Variants in SHISA9 observed in about 807,000 individuals in gnomAD.
SHISA9 encodes protein shisa-9.
A neutral mutation model predicts 38.0 loss-of-function variants in SHISA9; 13 were observed. That is an observed-to-expected ratio of 0.34 (90% confidence interval 0.22 to 0.54). The LOEUF is 0.54. Ranked by LOEUF, SHISA9 falls within the 20% of genes least tolerant of loss-of-function variation. The pLI is 0.91. For synonymous variants in SHISA9, 275 were observed against 242.0 expected (o/e 1.14, Z -1.27); for missense variants, 538 against 575.8 (o/e 0.93, Z 0.67).
chr16:13,047,489 G>A (rs1176951792), intron 2 of SHISA9, among the ~76,000 whole-genome samples: 1 of 152,190 alleles, frequency 6.6e-6, no homozygotes, highest in Non-Finnish European at 1.5e-5. Context: ...TTTGCAATCT[G>A]TCTGCTTGCC....
At chr16:13,196,048 A>G (rs893571025) in intron 2 of SHISA9, among the ~76,000 whole-genome samples, 18 of 128,304 alleles carry the variant, frequency 1.4e-4, no homozygotes, top group African/African-American at 5.1e-4. Context: ...AGATTGCACC[A>G]CTGCACTCCA....
intron 2 of SHISA9, among the ~76,000 whole-genome samples, chr16:13,021,813 A>T (rs1415024908): frequency 6.6e-6 from 1 of 152,208 alleles, no homozygotes. Flanking sequence ...ATTAGACAGG[A>T]ATAACTGACC....
chr16:13,314,557 A>T, the SHISA9 span, among the ~76,000 whole-genome samples: 3 of 151,902 alleles, frequency 2.0e-5, no homozygotes, highest in African/African-American at 7.3e-5. Context: ...TTTTATTTTT[A>T]ACAGCTTTAG....
chr16:13,502,799 C>A, the SHISA9 span, among the ~76,000 whole-genome samples: 1 of 152,110 alleles, frequency 6.6e-6, no homozygotes, highest in African/African-American at 2.4e-5. Flanking sequence ...ATTGCTTGAA[C>A]CCAGAAGGCA....
intron 2 of SHISA9, among the ~76,000 whole-genome samples, chr16:13,093,098 G>A (rs73520644): frequency 0.021 from 3,273 of 152,274 alleles, 129 homozygotes; most frequent in African/African-American, 0.075. Flanking sequence ...TTTCCCGGGG[G>A]CATAGAGTCC....
chr16:13,287,741 G>T, the SHISA9 span, among the ~76,000 whole-genome samples: 1 of 152,174 alleles, frequency 6.6e-6, no homozygotes, highest in African/African-American at 2.4e-5. Context: ...AACTGGAATT[G>T]CAGGGACCAC....
chr16:13,010,921 C>A (rs1050045719), intron 2 of SHISA9, among the ~76,000 whole-genome samples: 1 of 152,232 alleles, frequency 6.6e-6, no homozygotes, highest in Non-Finnish European at 1.5e-5. Flanking sequence ...CACAGCATTG[C>A]AGCCTGGACA....
chr16:13,127,808 A>T (rs748524618), intron 2 of SHISA9, among the ~76,000 whole-genome samples: 1 of 152,160 alleles, frequency 6.6e-6, no homozygotes, highest in Non-Finnish European at 1.5e-5. Context: ...AATCACAGTG[A>T]AAGAGCCAGA....
chr16:13,075,816 C>G (rs1355212400), intron 2 of SHISA9, among the ~76,000 whole-genome samples: 1 of 152,096 alleles, frequency 6.6e-6, no homozygotes, highest in Non-Finnish European at 1.5e-5. Flanking sequence ...GTGTCTAACT[C>G]AGTGTTTCTT....
the SHISA9 span, among the ~76,000 whole-genome samples, chr16:13,492,488 A>C: frequency 6.6e-6 from 1 of 152,182 alleles, no homozygotes; most frequent in Non-Finnish European, 1.5e-5. Flanking sequence ...ACATTACAGC[A>C]TGCTTTTTAG....
chr16:13,402,469 C>A, the SHISA9 span, among the ~76,000 whole-genome samples: 1 of 151,632 alleles, frequency 6.6e-6, no homozygotes, highest in Non-Finnish European at 1.5e-5. Context: ...CTACTTGGGC[C>A]CTTCGTGGAT....
the SHISA9 span, among the ~76,000 whole-genome samples, chr16:13,318,203 T>G: frequency 1.3e-5 from 2 of 152,218 alleles, no homozygotes; most frequent in Admixed American, 6.5e-5. Context: ...ATTTTATCAA[T>G]TCTTTGTTGG....
intron 2 of SHISA9, among the ~76,000 whole-genome samples, chr16:13,026,363 T>C (rs565216221): frequency 6.6e-6 from 1 of 152,356 alleles, no homozygotes; most frequent in South Asian, 2.1e-4. Context: ...TTTAGCATAA[T>C]GTCCTCAAGT....
At chr16:13,550,991 T>C in the SHISA9 span, among the ~76,000 whole-genome samples, 29,510 of 151,850 alleles carry the variant, frequency 0.19, 3,146 homozygotes, top group African/African-American at 0.27. Context: ...GGCATGTTGG[T>C]GGGTGCCTGT....
Position 13,106,855 on chromosome 16 carries a change from G to A in SHISA9, c.692-96539G>A, listed in dbSNP as rs545970389. 1.1e-4 allele frequency among the ~76,000 whole-genome samples: 16 copies of A among 152,302 alleles called. No homozygotes were observed. The South Asian group carries it at 2.9e-3, about 28-fold the overall frequency. ...AAAGGATTTTTCTGAGAATGAAGCC[G>A]TCCCAGAGGAAACAGAACCAAGAGG... On this transcript the variant is annotated intron_variant, in intron 2 of 4. Transcript: ENST00000558583.
At chr16:13,555,691 C>T in the SHISA9 span, among the ~76,000 whole-genome samples, 6 of 152,106 alleles carry the variant, frequency 3.9e-5, no homozygotes, top group African/African-American at 1.2e-4. Flanking sequence ...GAGCATACAG[C>T]GAGTACTGGC....
intron 3 of SHISA9, among the ~76,000 whole-genome samples, chr16:13,210,100 C>CA (rs1285994163): frequency 4.6e-5 from 7 of 151,646 alleles, no homozygotes; most frequent in African/African-American, 1.2e-4. Context: ...GACTCTGTCT[C>CA]AAAAAAAAGA....
chr16:13,076,954 G>A (rs546003148), intron 2 of SHISA9, among the ~76,000 whole-genome samples: 3 of 152,258 alleles, frequency 2.0e-5, no homozygotes, highest in Admixed American at 6.5e-5. Flanking sequence ...ACCTTAGCTC[G>A]TAGTGTCAAT....
At chr16:13,146,744 C>A (rs1478154124) in intron 2 of SHISA9, among the ~76,000 whole-genome samples, 1 of 152,164 alleles carries the variant, frequency 6.6e-6, no homozygotes, top group Non-Finnish European at 1.5e-5. Flanking sequence ...AATCAGGTTT[C>A]AATCCCAGAT....
Sources: gnomAD v4.1 joint callset for allele counts (sites outside exome capture counted in the v4.1 genomes callset) on GRCh38, gnomAD v4.1.1 for gene constraint, MANE v1.5 for transcripts, NCBI Gene and HGNC (gene_info 2026-07-23, HGNC 2026-07-21) for gene names.